Variants in UNC5D observed in about 807,000 individuals in gnomAD.
UNC5D encodes unc-5 netrin receptor D, also known as netrin receptor UNC5D.
Under a neutral mutation model 105.4 loss-of-function variants are expected in UNC5D, and 39 were observed. The ratio of observed to expected loss-of-function variants is 0.37; its 90% CI spans 0.29 to 0.48. The LOEUF is 0.48. Among genes scored for constraint, UNC5D ranks in the 20% least tolerant of loss-of-function variants. The pLI, the probability that UNC5D is intolerant of heterozygous loss-of-function variation, is 0.98. For synonymous variants in UNC5D, 452 were observed against 450.4 expected, an observed-to-expected ratio of 1.00 and a Z score of -0.04; for missense variants, 991 against 1,202.4, an observed-to-expected ratio of 0.82 and a Z score of 2.60.
chr8:35,771,724 T>G (rs2131730251), intron 15 of UNC5D, among the ~76,000 whole-genome samples: 1 of 152,314 alleles, frequency 6.6e-6, no homozygotes, highest in South Asian at 2.1e-4. Context: ...CATGAAGTCT[T>G]TCCTACTGTA....
intron 1 of UNC5D, among the ~76,000 whole-genome samples, chr8:35,382,543 G>C (rs1265253689): frequency 1.3e-5 from 2 of 152,156 alleles, no homozygotes; most frequent in East Asian, 1.9e-4. Context: ...TAAAAGTACA[G>C]TTTTTCATTC....
intron 1 of UNC5D, among the ~76,000 whole-genome samples, chr8:35,340,642 T>C (rs1222022426): frequency 1.3e-5 from 2 of 152,132 alleles, no homozygotes; most frequent in Non-Finnish European, 2.9e-5. Context: ...ATTTATTTGG[T>C]CATTTGGGAT....
chr8:35,428,346 A>ATTTTT (rs35131097), intron 1 of UNC5D, among the ~76,000 whole-genome samples: 8 of 92,776 alleles, frequency 8.6e-5, no homozygotes, highest in East Asian at 3.2e-4. Context: ...ATGCCTGGCT[A>ATTTTT]TTTTTTTTTT....
chr8:35,601,458 A>G (rs570888046), intron 4 of UNC5D, among the ~76,000 whole-genome samples: 19 of 152,190 alleles, frequency 1.2e-4, no homozygotes, highest in African/African-American at 4.3e-4. Context: ...ATTTGTTTGT[A>G]TCCTCTTTGA....
chr8:35,611,037 A>G (rs1277088567), intron 4 of UNC5D, among the ~76,000 whole-genome samples: 1 of 148,608 alleles, frequency 6.7e-6, no homozygotes, highest in Non-Finnish European at 1.5e-5. Context: ...AAAAAAGTGC[A>G]AAACATTTAG....
chr8:35,334,620 C>T (rs886130374), intron 1 of UNC5D, among the ~76,000 whole-genome samples: 5 of 151,988 alleles, frequency 3.3e-5, no homozygotes, highest in African/African-American at 1.2e-4. Flanking sequence ...TCAAGCAATT[C>T]TCCTGCCTCA....
intron 11 of UNC5D, among the ~76,000 whole-genome samples, chr8:35,733,029 A>C (rs920031484): frequency 7.2e-5 from 11 of 152,116 alleles, no homozygotes; most frequent in Non-Finnish European, 1.5e-4. Context: ...GGACAGAAAC[A>C]GAAGAACCTT....
intron 1 of UNC5D, among the ~76,000 whole-genome samples, chr8:35,286,146 T>G (rs1806581211): frequency 6.6e-6 from 1 of 152,194 alleles, no homozygotes; most frequent in Admixed American, 6.5e-5. Flanking sequence ...AGGGCTGCAT[T>G]TCACTCTGTC....
chr8:35,749,787 G>A (rs1031969974), intron 12 of UNC5D, among the ~76,000 whole-genome samples: 3 of 151,910 alleles, frequency 2.0e-5, no homozygotes, highest in Admixed American at 6.6e-5. Context: ...ATACACAGAT[G>A]GTGTTATATT....
intron 8 of UNC5D, among the ~76,000 whole-genome samples, chr8:35,714,364 C>A (rs1828130217): frequency 6.6e-6 from 1 of 151,982 alleles, no homozygotes; most frequent in Non-Finnish European, 1.5e-5. Context: ...GTGGTTTTGC[C>A]CAGCGAGCAG....
intron 3 of UNC5D, among the ~76,000 whole-genome samples, chr8:35,582,372 C>A (rs1383806710): frequency 6.6e-6 from 1 of 152,120 alleles, no homozygotes; most frequent in Admixed American, 6.6e-5. Flanking sequence ...TCTGCTGGGT[C>A]GTTTTATTTT....
chr8:35,542,303 C>G (rs992503688), intron 1 of UNC5D, among the ~76,000 whole-genome samples: 1 of 152,172 alleles, frequency 6.6e-6, no homozygotes, highest in African/African-American at 2.4e-5. Context: ...GGAGACAAGT[C>G]ACATTTACAT....
intron 4 of UNC5D, among the ~76,000 whole-genome samples, chr8:35,678,476 T>G (rs1009701475): frequency 1.3e-5 from 2 of 152,160 alleles, no homozygotes; most frequent in Non-Finnish European, 2.9e-5. Flanking sequence ...TATGAAAGAT[T>G]TTACCTTGAA....
At chr8:35,740,809 G>A (rs1362421111) in intron 11 of UNC5D, among the ~76,000 whole-genome samples, 2 of 152,142 alleles carry the variant, frequency 1.3e-5, no homozygotes, top group East Asian at 1.9e-4. Flanking sequence ...TTGGGTTACC[G>A]ACCCCATGCC....
intron 7 of UNC5D, among the ~76,000 whole-genome samples, chr8:35,698,520 T>C (rs912770087): frequency 6.6e-6 from 1 of 152,134 alleles, no homozygotes; most frequent in African/African-American, 2.4e-5. Flanking sequence ...CAGTATTTAT[T>C]TTTCTGCATC....
chr8:35,738,610 G>A (rs960544414), intron 11 of UNC5D, among the ~76,000 whole-genome samples: 1 of 152,194 alleles, frequency 6.6e-6, no homozygotes, highest in African/African-American at 2.4e-5. Flanking sequence ...ATAACTCCCT[G>A]CATCAATTCC....
chr8:35,353,004 A>G (rs1812349525), intron 1 of UNC5D, among the ~76,000 whole-genome samples: 1 of 152,178 alleles, frequency 6.6e-6, no homozygotes, highest in African/African-American at 2.4e-5. Flanking sequence ...AAGTAAATGT[A>G]AAGTAGCCTT....
chr8:35,313,115 A>T (rs951822707), intron 1 of UNC5D, among the ~76,000 whole-genome samples: 1 of 152,208 alleles, frequency 6.6e-6, no homozygotes, highest in Non-Finnish European at 1.5e-5. Flanking sequence ...GATATTAGCC[A>T]TATTTATTTT....
At chr8:35,285,609 A>T (rs978014882) in intron 1 of UNC5D, among the ~76,000 whole-genome samples, 1 of 152,220 alleles carries the variant, frequency 6.6e-6, no homozygotes, top group African/African-American at 2.4e-5. Flanking sequence ...GGGATCTAGA[A>T]AAAACAATTT....
Sources: gnomAD v4.1 joint callset for allele counts (sites outside exome capture counted in the v4.1 genomes callset) on GRCh38, gnomAD v4.1.1 for gene constraint, MANE v1.5 for transcripts, NCBI Gene and HGNC (gene_info 2026-07-23, HGNC 2026-07-21) for gene names.